ERBB4: variants seen among roughly 807,000 people sequenced by gnomAD.
The protein encoded by ERBB4 is receptor tyrosine-protein kinase erbB-4.
In ERBB4, 42 loss-of-function variants were observed where a neutral mutation model predicts 158.0. The observed-to-expected ratio is 0.27, with a 90% CI of 0.21 to 0.34. The LOEUF (loss-of-function observed/expected upper bound fraction) is 0.34. ERBB4 is among the 10% of genes least tolerant of loss of function. The pLI is 1.00. For synonymous variants in ERBB4, 583 were observed against 558.7 expected, an observed-to-expected ratio of 1.04 and a Z score of -0.61; for missense variants, 1,333 against 1,624.1, an observed-to-expected ratio of 0.82 and a Z score of 3.08.
At chr2:211,455,059 C>A (rs2064345461) in intron 20 of ERBB4, among the ~76,000 whole-genome samples, 1 of 152,242 alleles carries the variant, frequency 6.6e-6, no homozygotes, top group Admixed American at 6.5e-5. Flanking sequence ...TGTGCTTTAT[C>A]TTCAACGGTG....
intron 1 of ERBB4, among the ~76,000 whole-genome samples, chr2:212,334,443 G>A (rs1012848292): frequency 6.6e-6 from 1 of 152,026 alleles, no homozygotes; most frequent in African/African-American, 2.4e-5. Flanking sequence ...AAGTGAATGA[G>A]TGAATGCATG....
chr2:212,459,483 T>C (rs1036666799), intron 1 of ERBB4, among the ~76,000 whole-genome samples: 3 of 152,160 alleles, frequency 2.0e-5, no homozygotes, highest in Non-Finnish European at 4.4e-5. Flanking sequence ...ACCATATTCA[T>C]GAATTGAAAG....
intron 3 of ERBB4, among the ~76,000 whole-genome samples, chr2:211,924,052 C>A (rs2079949444): frequency 6.6e-6 from 1 of 151,998 alleles, no homozygotes. Context: ...AATATTGTTC[C>A]AATTAGGAGA....
chr2:212,043,460 C>T (rs1369100528), intron 2 of ERBB4, among the ~76,000 whole-genome samples: 1 of 152,120 alleles, frequency 6.6e-6, no homozygotes, highest in Non-Finnish European at 1.5e-5. Flanking sequence ...TCAGATGTAA[C>T]TTGGTCTACT....
chr2:211,836,590 G>A (rs2077348108), intron 3 of ERBB4, among the ~76,000 whole-genome samples: 1 of 151,984 alleles, frequency 6.6e-6, no homozygotes. Context: ...AAACCACATT[G>A]TTTGCACAAC....
chr2:211,862,635 C>T (rs1423234920), intron 3 of ERBB4, among the ~76,000 whole-genome samples: 1 of 151,962 alleles, frequency 6.6e-6, no homozygotes, highest in African/African-American at 2.4e-5. Flanking sequence ...GTGAAGAAGA[C>T]TTCTAAATAT....
chr2:211,815,211 T>G (rs1336315760), intron 3 of ERBB4, among the ~76,000 whole-genome samples: 1 of 152,224 alleles, frequency 6.6e-6, no homozygotes, highest in African/African-American at 2.4e-5. Flanking sequence ...CATAGGGTTA[T>G]TATGACAATC....
chr2:212,506,485 T>C (rs1225123961), intron 1 of ERBB4, among the ~76,000 whole-genome samples: 2 of 151,788 alleles, frequency 1.3e-5, no homozygotes, highest in African/African-American at 4.8e-5. Context: ...GGAAAAGTTA[T>C]TGAAGAAAAT....
At chr2:212,443,707 G>A (rs541615351) in intron 1 of ERBB4, among the ~76,000 whole-genome samples, 1 of 152,344 alleles carries the variant, frequency 6.6e-6, no homozygotes, top group South Asian at 2.1e-4. Context: ...AGATCCAATG[G>A]TGCTTGAAGT....
chr2:212,463,094 G>C (rs1311506838), intron 1 of ERBB4, among the ~76,000 whole-genome samples: 1 of 152,104 alleles, frequency 6.6e-6, no homozygotes, highest in African/African-American at 2.4e-5. Flanking sequence ...TGGTTTGAAA[G>C]GCTGGAGAGG....
intron 1 of ERBB4, among the ~76,000 whole-genome samples, chr2:212,129,420 T>TCCAATATAATATAATATTATAC (rs1559553509): frequency 6.6e-6 from 1 of 151,094 alleles, no homozygotes; most frequent in African/African-American, 2.4e-5. Context: ...CAATATTATA[T>TCCAATATAATATAATATTATAC]CCAATATAAT....
At chr2:212,029,670 T>G (rs2076855383) in intron 2 of ERBB4, among the ~76,000 whole-genome samples, 1 of 152,168 alleles carries the variant, frequency 6.6e-6, no homozygotes, top group African/African-American at 2.4e-5. Context: ...GAATGCAGAC[T>G]TGATTTAGAT....
At chr2:212,055,326 C>G (rs1010203483) in intron 2 of ERBB4, among the ~76,000 whole-genome samples, 2 of 152,218 alleles carry the variant, frequency 1.3e-5, no homozygotes, top group Admixed American at 1.3e-4. Flanking sequence ...GAGCCCATGA[C>G]AGCTGAATGA....
chr2:211,908,917 TAA>T (rs2079468240), intron 3 of ERBB4, among the ~76,000 whole-genome samples: 1 of 151,642 alleles, frequency 6.6e-6, no homozygotes, highest in Non-Finnish European at 1.5e-5. Context: ...ATAAGCTAGA[TAA>T]GAGTACATTT....
intron 2 of ERBB4, among the ~76,000 whole-genome samples, chr2:211,985,379 G>A (rs183766733): frequency 7.9e-5 from 12 of 151,982 alleles, no homozygotes; most frequent in Admixed American, 2.6e-4. Context: ...TAGATTTTTC[G>A]GTATTTGTAA....
chr2:212,135,049 T>C (rs1452361025), intron 1 of ERBB4, among the ~76,000 whole-genome samples: 1 of 152,180 alleles, frequency 6.6e-6, no homozygotes, highest in Non-Finnish European at 1.5e-5. Flanking sequence ...TGTAGACCTT[T>C]ACTAATAGAT....
chr2:212,324,431 T>C (rs1357559831), intron 1 of ERBB4, among the ~76,000 whole-genome samples: 1 of 149,846 alleles, frequency 6.7e-6, no homozygotes, highest in Non-Finnish European at 1.5e-5. Context: ...GTGTTTAACA[T>C]TGAGAGTATA....
chr2:211,678,309 AC>A (rs201333636), intron 13 of ERBB4, among the ~76,000 whole-genome samples: 18,484 of 41,492 alleles, frequency 0.45, 1,486 homozygotes, highest in Non-Finnish European at 0.52. Flanking sequence ...ACAAAAAAAA[AC>A]AAACAAACAA....
intron 20 of ERBB4, among the ~76,000 whole-genome samples, chr2:211,542,238 T>G (rs2066828578): frequency 1.3e-5 from 2 of 151,980 alleles, no homozygotes; most frequent in Admixed American, 1.3e-4. Flanking sequence ...CTGGAATGGT[T>G]TCTCAGTGCC....
Sources: gnomAD v4.1 joint callset for allele counts (sites outside exome capture counted in the v4.1 genomes callset) on GRCh38, gnomAD v4.1.1 for gene constraint, MANE v1.5 for transcripts, NCBI Gene and HGNC (gene_info 2026-07-23, HGNC 2026-07-21) for gene names.